The following CAMK2N1 variants were observed in gnomAD, a reference collection of about 807,000 sequenced individuals.
CAMK2N1 encodes calcium/calmodulin-dependent protein kinase II inhibitor 1.
Under a neutral mutation model 6.4 loss-of-function variants are expected in CAMK2N1, and 2 were observed. That is an observed-to-expected ratio of 0.31 (90% confidence interval 0.13 to 0.98). CAMK2N1 has a LOEUF of 0.98. Ranked by LOEUF, CAMK2N1 falls within the 50% of genes least tolerant of loss-of-function variation. The probability of loss-of-function intolerance (pLI) is 0.51; values close to 1 mark genes in which losing one functional copy is unlikely to be tolerated. For missense variants in CAMK2N1, 77 were observed against 107.3 expected, an observed-to-expected ratio of 0.72 and a Z score of 1.25; for synonymous variants, 42 against 47.5, an observed-to-expected ratio of 0.88 and a Z score of 0.47.
Position 20,485,033 on chromosome 1 carries a change from T to G in CAMK2N1, c.166+181A>C, listed in dbSNP as rs2051499221. 6.6e-6 allele frequency among the ~76,000 whole-genome samples: 1 copy of G among 152,180 alleles called. No homozygotes were observed. Among genetic ancestry groups the G allele is most frequent in the Non-Finnish European group, 1.5e-5 (1 of 68,014 alleles). On this transcript the variant is annotated intron_variant, in intron 1 of 1. Coordinates refer to ENST00000375078, the MANE Select transcript of CAMK2N1 (RefSeq NM_018584.6). This position sits in a 1 kb window ranked among gnomAD's most constrained non-coding sequence, Gnocchi z 8.4. ...AGGGTGACCCAGCCGGGGATCCGGC[T>G]TAGGGGGACGCGTTCCTGCGACCCG...
rs749665383 is a variant in CAMK2N1 at position 20,483,663 on chromosome 1, G to T, written c.223C>A (p.Pro75Thr). The T allele has an allele frequency of 1.9e-6, 3 of 1,613,838 alleles. No homozygotes were observed. Among genetic ancestry groups the T allele is most frequent in the Non-Finnish European group, 2.5e-6 (3 of 1,179,768 alleles). The change falls in exon 2 of 2, where the codon CCT (proline) becomes ACT (threonine). Residue 75 changes from proline (P) to threonine (T), a missense_variant. Physicochemically the swap from Pro to Thr is conservative, Grantham distance 38. Coordinates refer to ENST00000375078, the MANE Select transcript of CAMK2N1 (RefSeq NM_018584.6). ...DVLKNMTDKA[P>T]PGV ...CTTTGGGGGAGTTAGACACCAGGAG[G>T]TGCCTTGTCGGTCATATTTTTCAGC...
chr1:20,483,847 G>A lies in CAMK2N1; in HGVS notation c.167-128C>T, dbSNP rs973497450. On this transcript the variant is annotated intron_variant, in intron 1 of 1. Coordinates refer to ENST00000375078, the MANE Select transcript of CAMK2N1 (RefSeq NM_018584.6). ...GGCGAGGGAGCAGGGCTCACTGCGC[G>A]GTGAAACAGCTCCATCCTCCGTCCC... 5.1e-6 allele frequency: 4 copies of A among 782,166 alleles called. No homozygotes were observed. The African/African-American group carries it at 6.8e-5, about 13-fold the overall frequency. 48.5% of individuals were successfully genotyped at this position (782,166 alleles called of 1,614,324 possible).
rs1328056191 is a variant in CAMK2N1 at position 20,486,012 on chromosome 1, G to C, written c.-633C>G. Reference sequence around the variant, plus strand: ...GACGGTGGAAGGAGACAGAGGAGAGGGGGAGAGGAAGGAGAGGAGGAGAAA... The same window carrying C: ...GACGGTGGAAGGAGACAGAGGAGAGCGGGAGAGGAAGGAGAGGAGGAGAAA... On this transcript the variant is annotated 5_prime_UTR_variant, in exon 1 of 2. Transcript: ENST00000375078. This position sits in a 1 kb window ranked among gnomAD's most constrained non-coding sequence, Gnocchi z 6.5. 1 of 152,376 alleles carries C rather than the reference G, an allele frequency of 6.6e-6. No individual in the cohort carries two copies. The highest frequency in any genetic ancestry group is 1.5e-5 in the Non-Finnish European group (1 of 68,406). 9.4% of individuals were successfully genotyped at this position (152,376 alleles called of 1,614,324 possible). A position where few individuals can be genotyped will look rare whatever the true frequency, so the allele number is the denominator to read the frequency against.
In CAMK2N1 at chr1:20,484,751, C is replaced by G. The variant is rs116083529; in HGVS notation, c.166+463G>C. ...GCGGATCGCCCAGGCCTGGCAAACC[C>G]CCTCCCAAGCCAAGTAACAATGAAA... On this transcript the variant is annotated intron_variant, in intron 1 of 1. Transcript: ENST00000375078. This position sits in a 1 kb window ranked among gnomAD's most constrained non-coding sequence, Gnocchi z 6.8. 0.056 allele frequency: 8,626 copies of G among 154,440 alleles called. 278 individuals carry two copies. Among genetic ancestry groups the G allele is most frequent in the Middle Eastern group, 0.097 (29 of 298 alleles). 9.6% of individuals were successfully genotyped at this position (154,440 alleles called of 1,614,324 possible). A position where few individuals can be genotyped will look rare whatever the true frequency, so the allele number is the denominator to read the frequency against.
Position 20,482,648 on chromosome 1 carries a change from C to T in CAMK2N1, c.*1001G>A, listed in dbSNP as rs2051477143. 1 of 152,566 alleles carries T rather than the reference C, an allele frequency of 6.6e-6. No homozygotes were observed. Among genetic ancestry groups the T allele is most frequent in the Non-Finnish European group, 1.5e-5 (1 of 68,046 alleles). 9.5% of individuals were successfully genotyped at this position (152,566 alleles called of 1,614,324 possible). A position where few individuals can be genotyped will look rare whatever the true frequency, so the allele number is the denominator to read the frequency against. On this transcript the variant is annotated 3_prime_UTR_variant, in exon 2 of 2. Transcript: ENST00000375078. Reference sequence around the variant, plus strand: ...TAAATAACAGAAAAGACACTCCAAGCATTCCTGTACGTGGACTCAGAGCAC... The same window carrying T: ...TAAATAACAGAAAAGACACTCCAAGTATTCCTGTACGTGGACTCAGAGCAC...
In CAMK2N1 at chr1:20,482,623, T is replaced by C. The variant is rs951687455; in HGVS notation, c.*1026A>G. The stretch of plus-strand genomic sequence containing the variant: ...CTGGTGTGCCTTAAGAGAATCCCTA[T>C]AAATAACAGAAAAGACACTCCAAGC... On this transcript the variant is annotated 3_prime_UTR_variant, in exon 2 of 2. Coordinates refer to ENST00000375078, the MANE Select transcript of CAMK2N1 (RefSeq NM_018584.6). 2 of 152,518 alleles carry C rather than the reference T, an allele frequency of 1.3e-5. No homozygotes were observed. Among genetic ancestry groups the C allele is most frequent in the African/African-American group, 4.8e-5 (2 of 41,430 alleles). The allele number at this position is 152,518 out of a possible 1,614,324, so 9.4% of individuals were successfully genotyped here. A position where few individuals can be genotyped will look rare whatever the true frequency, so the allele number is the denominator to read the frequency against.
rs902584027 is a variant in CAMK2N1 at position 20,482,505 on chromosome 1, G to A, written c.*1144C>T. The stretch of plus-strand genomic sequence containing the variant: ...AAAAGAGGGAACGGGGAAGGGAAGG[G>A]AAACCTCTTGAGGTCCAAAGTTGCA... On this transcript the variant is annotated 3_prime_UTR_variant, in exon 2 of 2. Transcript: ENST00000375078. 1.3e-5 allele frequency: 2 copies of A among 152,588 alleles called. No individual in the cohort carries two copies. Among genetic ancestry groups the A allele is most frequent in the Admixed American group, 1.3e-4 (2 of 15,272 alleles). The allele number at this position is 152,588 out of a possible 1,614,324, so 9.5% of individuals were successfully genotyped here.
chr1:20,483,838 T>C (rs1021394877), intron 1 of CAMK2N1, 119 bp from the exon 2 acceptor site: 9 of 866,414 alleles, frequency 1.0e-5, no homozygotes, highest in African/African-American at 3.3e-5. Context: ...GGAGCAGGGC[T>C]CACTGCGCGG....
rs1220286166 is a variant in CAMK2N1, at chr1:20,485,994, G to A, written c.-615C>T. ...AGACAGGGAGGCAGGGGAGACGGTG[G>A]AAGGAGACAGAGGAGAGGGGGAGAG... On this transcript the variant is annotated 5_prime_UTR_variant, in exon 1 of 2. Coordinates refer to ENST00000375078, the MANE Select transcript of CAMK2N1 (RefSeq NM_018584.6). The surrounding 1 kb of genome is among the most constrained non-coding windows in gnomAD (Gnocchi z 8.4). The A allele has an allele frequency of 6.6e-6, 1 of 152,168 alleles. No individual in the cohort carries two copies. Among genetic ancestry groups the A allele is most frequent in the East Asian group, 1.9e-4 (1 of 5,136 alleles). 9.4% of individuals were successfully genotyped at this position (152,168 alleles called of 1,614,324 possible). A position where few individuals can be genotyped will look rare whatever the true frequency, so the allele number is the denominator to read the frequency against.
chr1:20,485,164 G>A lies in CAMK2N1; in HGVS notation c.166+50C>T, dbSNP rs768382992. On this transcript the variant is annotated intron_variant, in intron 1 of 1. Coordinates refer to ENST00000375078, the MANE Select transcript of CAMK2N1 (RefSeq NM_018584.6). The surrounding 1 kb of genome is among the most constrained non-coding windows in gnomAD (Gnocchi z 8.4). ...GGAGACCTCCGCAACCCTTGTTCAG[G>A]CCGCGGCGCGGGAAAAAGGGGGTGT... 1.3e-6 allele frequency: 2 copies of A among 1,542,326 alleles called. No individual in the cohort carries two copies. Among genetic ancestry groups the A allele is most frequent in the Non-Finnish European group, 1.7e-6 (2 of 1,147,668 alleles).
rs753588194 is a variant in CAMK2N1, at chr1:20,482,891, G to GTGT, written c.*757_*758insACA. 1 of 148,462 alleles carries GTGT rather than the reference G, an allele frequency of 6.7e-6. No individual in the cohort carries two copies. The highest frequency in any genetic ancestry group is 1.5e-5 in the Non-Finnish European group (1 of 66,682). The allele number at this position is 148,462 out of a possible 1,614,324, so 9.2% of individuals were successfully genotyped here. A position where few individuals can be genotyped will look rare whatever the true frequency, so the allele number is the denominator to read the frequency against. On this transcript the variant is annotated 3_prime_UTR_variant, in exon 2 of 2. Transcript: ENST00000375078. Reference sequence around the variant, plus strand: ...TGTGTGTGTGTGTGTGTGTGTGTGTGTTTTTCTGACATAAAAAATGTGTCC... The same window carrying GTGT: ...TGTGTGTGTGTGTGTGTGTGTGTGTGTGTTTTTTCTGACATAAAAAATGTGTCC...
rs1339309853 is a variant in CAMK2N1 at position 20,482,510 on chromosome 1, C to T, written c.*1139G>A. On this transcript the variant is annotated 3_prime_UTR_variant, in exon 2 of 2. Transcript: ENST00000375078. Reference sequence around the variant, plus strand: ...AGGGAACGGGGAAGGGAAGGGAAACCTCTTGAGGTCCAAAGTTGCAAACAA... The same window carrying T: ...AGGGAACGGGGAAGGGAAGGGAAACTTCTTGAGGTCCAAAGTTGCAAACAA... 2.0e-5 allele frequency: 3 copies of T among 152,552 alleles called. No individual in the cohort carries two copies. Among genetic ancestry groups the T allele is most frequent in the East Asian group, 1.9e-4 (1 of 5,190 alleles). The allele number at this position is 152,552 out of a possible 1,614,324, so 9.4% of individuals were successfully genotyped here.
chr1:20,485,120 G>T lies in CAMK2N1; in HGVS notation c.166+94C>A. The T allele has an allele frequency of 7.3e-7, 1 of 1,371,138 alleles. No homozygotes were observed. The highest frequency in any genetic ancestry group is 1.4e-5 in the South Asian group (1 of 71,914). 84.9% of individuals were successfully genotyped at this position (1,371,138 alleles called of 1,614,324 possible). A position where few individuals can be genotyped will look rare whatever the true frequency, so the allele number is the denominator to read the frequency against. The stretch of plus-strand genomic sequence containing the variant: ...TGCAAGAAGGGATTCCGTCAGGTCT[G>T]AACGGGCTCCAGCGGGTGGGAGACC... On this transcript the variant is annotated intron_variant, in intron 1 of 1. Coordinates refer to ENST00000375078, the MANE Select transcript of CAMK2N1 (RefSeq NM_018584.6). This position sits in a 1 kb window ranked among gnomAD's most constrained non-coding sequence, Gnocchi z 8.4.
Position 20,482,856 on chromosome 1 carries a change from C to CAT in CAMK2N1, c.*792_*793insAT, listed in dbSNP as rs143510553. 1.4e-5 allele frequency: 2 copies of CAT among 146,388 alleles called. No individual in the cohort carries two copies. Among genetic ancestry groups the CAT allele is most frequent in the African/African-American group, 5.1e-5 (2 of 39,210 alleles). The allele number at this position is 146,388 out of a possible 1,614,324, so 9.1% of individuals were successfully genotyped here. A position where few individuals can be genotyped will look rare whatever the true frequency, so the allele number is the denominator to read the frequency against. ...CTCAAGCATTTTTTTCTTTGTTTTT[C>CAT]GTGTGTGTGTGTGTGTGTGTGTGTG... On this transcript the variant is annotated 3_prime_UTR_variant, in exon 2 of 2. Transcript: ENST00000375078.
At chr1:20,483,837 C>G (rs538753346) in intron 1 of CAMK2N1, 118 bp from the exon 2 acceptor site, 1 of 873,420 alleles carries the variant, frequency 1.1e-6, no homozygotes, top group East Asian at 2.6e-5. Context: ...GGGAGCAGGG[C>G]TCACTGCGCG....
rs1175502944 is a variant in CAMK2N1, at chr1:20,485,702, G to T, written c.-323C>A. ...CGGGGGCCGGGCCGGGCGGGGCCGC[G>T]AGCCGGGAGGGAGGAGACGTCCCTG... On this transcript the variant is annotated 5_prime_UTR_variant, in exon 1 of 2. Transcript: ENST00000375078. The surrounding 1 kb of genome is among the most constrained non-coding windows in gnomAD (Gnocchi z 8.4). The T allele has an allele frequency of 6.6e-6, 1 of 151,504 alleles. No homozygotes were observed. Among genetic ancestry groups the T allele is most frequent in the South Asian group, 1.8e-4 (1 of 5,526 alleles). 9.4% of individuals were successfully genotyped at this position (151,504 alleles called of 1,614,324 possible).
chr1:20,484,207 G>A lies in CAMK2N1; in HGVS notation c.167-488C>T, dbSNP rs544325595. 1.3e-5 allele frequency among the ~76,000 whole-genome samples: 2 copies of A among 152,174 alleles called. No individual in the cohort carries two copies. Among genetic ancestry groups the A allele is most frequent in the African/African-American group, 4.8e-5 (2 of 41,454 alleles). ...CCGGTTCCCACGACGCGCAGCGGGTGGGGGTTAGGGCCTGGCCTGGGCGGG... is the reference window on the plus strand; with the variant it reads ...CCGGTTCCCACGACGCGCAGCGGGTAGGGGTTAGGGCCTGGCCTGGGCGGG... On this transcript the variant is annotated intron_variant, in intron 1 of 1. Coordinates refer to ENST00000375078, the MANE Select transcript of CAMK2N1 (RefSeq NM_018584.6). This position sits in a 1 kb window ranked among gnomAD's most constrained non-coding sequence, Gnocchi z 6.8.
In CAMK2N1 at chr1:20,483,056, A is replaced by G. The variant is rs2051481197; in HGVS notation, c.*593T>C. On this transcript the variant is annotated 3_prime_UTR_variant, in exon 2 of 2. Transcript: ENST00000375078. Reference sequence around the variant, plus strand: ...TTTAAACACATTCCTGATAACTTCTAAAGATGACCAAAATAAAACAGAATA... The same window carrying G: ...TTTAAACACATTCCTGATAACTTCTGAAGATGACCAAAATAAAACAGAATA... 2 of 152,612 alleles carry G rather than the reference A, an allele frequency of 1.3e-5. No homozygotes were observed. The highest frequency in any genetic ancestry group is 4.8e-5 in the African/African-American group (2 of 41,468). The allele number at this position is 152,612 out of a possible 1,614,324, so 9.5% of individuals were successfully genotyped here.
In CAMK2N1 at chr1:20,485,497, G is replaced by A. The variant is rs926992888; in HGVS notation, c.-118C>T. On this transcript the variant is annotated 5_prime_UTR_variant, in exon 1 of 2. Coordinates refer to ENST00000375078, the MANE Select transcript of CAMK2N1 (RefSeq NM_018584.6). This position sits in a 1 kb window ranked among gnomAD's most constrained non-coding sequence, Gnocchi z 8.4. ...GGCCGGGGACGGCCCGCGGGCTGCT[G>A]CGGCGGTGGCGCCGGCGAGAGGCCG... 2.0e-5 allele frequency: 14 copies of A among 688,788 alleles called. No individual in the cohort carries two copies. In the African/African-American group the frequency reaches 2.7e-4, roughly 13 times the overall value. The allele number at this position is 688,788 out of a possible 1,614,324, so 42.7% of individuals were successfully genotyped here. A position where few individuals can be genotyped will look rare whatever the true frequency, so the allele number is the denominator to read the frequency against.
Sources: allele counts gnomAD v4.1 joint callset (sites outside exome capture counted in the v4.1 genomes callset), GRCh38; gene constraint gnomAD v4.1.1; non-coding constraint Gnocchi (gnomAD v3.1); transcripts MANE v1.5; gene names NCBI Gene and HGNC (gene_info 2026-07-23, HGNC 2026-07-21).